The following COX6C variants were observed in gnomAD, a reference collection of about 807,000 sequenced individuals.
COX6C encodes cytochrome c oxidase polypeptide VIc.
COX6C carries 3 observed loss-of-function variants against 6.9 expected under a neutral mutation model. The observed-to-expected ratio is 0.43, with a 90% confidence interval of 0.20 to 1.12. COX6C has a LOEUF of 1.12. Ranked by LOEUF, COX6C falls within the 50% of genes most tolerant of loss-of-function variation. The probability of loss-of-function intolerance (pLI) is 0.27; values close to 1 mark genes in which losing one functional copy is unlikely to be tolerated. For synonymous variants in COX6C, 32 were observed against 32.0 expected, an observed-to-expected ratio of 1.00 and a Z score of 0.00; for missense variants, 101 against 97.3, an observed-to-expected ratio of 1.04 and a Z score of -0.16.
At chr8:99,892,176 A>T (rs1303703629) in intron 1 of COX6C, 124 bp from the exon 2 acceptor site, 3 of 595,434 alleles carry the variant, frequency 5.0e-6, no homozygotes, top group Non-Finnish European at 8.8e-6. Context: ...AGCAGTTACA[A>T]ATGAATGTTT....
chr8:99,883,189 C>CA (rs1361761250), intron 3 of COX6C, among the ~76,000 whole-genome samples: 1 of 152,034 alleles, frequency 6.6e-6, no homozygotes, highest in East Asian at 1.9e-4. Context: ...CTTCAAAAAA[C>CA]AAGAGTCCAA....
At chr8:99,892,075 ATT>A in intron 1 of COX6C, 23 bp from the exon 2 acceptor site, 1 of 1,384,472 alleles carries the variant, frequency 7.2e-7, no homozygotes, top group Non-Finnish European at 1.0e-6. Context: ...AGAAAATATG[ATT>A]AAGTACAGAG....
intron 3 of COX6C, among the ~76,000 whole-genome samples, chr8:99,879,460 G>A (rs1212594312): frequency 1.3e-5 from 2 of 152,152 alleles, no homozygotes; most frequent in African/African-American, 4.8e-5. Flanking sequence ...AACATAAAAA[G>A]TAGTTTCATG....
intron 2 of COX6C, among the ~76,000 whole-genome samples, chr8:99,888,769 C>T (rs1317679286): frequency 3.3e-5 from 5 of 152,228 alleles, no homozygotes; most frequent in Non-Finnish European, 5.9e-5. Flanking sequence ...CCAGATCCCA[C>T]GACCCTGAGG....
At position 99,887,455 on chromosome 8, in the gene COX6C, AT is replaced by A. The variant is rs766072054; in HGVS notation, c.*15+34del. 617 of 1,295,952 alleles carry A rather than the reference AT, an allele frequency of 4.8e-4. 1 individual carries two copies. The highest frequency in any genetic ancestry group is 5.2e-4 in the Middle Eastern group (2 of 3,822). 80.3% of individuals were successfully genotyped at this position (1,295,952 alleles called of 1,614,324 possible). On this transcript the variant is annotated intron_variant, in intron 3 of 3. Transcript: ENST00000520468. ...TATTTGCATTTTACCACAATTAGAAATTTTTTTTTAAGTAACTTCAAATAAC... is the reference window on the plus strand; with the variant it reads ...TATTTGCATTTTACCACAATTAGAAATTTTTTTTAAGTAACTTCAAATAAC...
chr8:99,881,826 AT>A (rs1817869915), intron 3 of COX6C, among the ~76,000 whole-genome samples: 2 of 152,212 alleles, frequency 1.3e-5, no homozygotes, highest in African/African-American at 2.4e-5. Context: ...AAAAACCTGG[AT>A]CCAATTATAT....
chr8:99,887,560 A>G lies in COX6C; in HGVS notation c.173T>C (p.Val58Ala). ...CCTCATCTCCTCAAAATCTTTCATG[A>G]CATCGTAGTTTCTGTAGAAATCTGC... The part of the protein sequence containing the change: ...AYADFYRNYD[V>A]MKDFEEMRKA... The change falls in exon 3 of 4, where the codon GTC (valine) becomes GCC (alanine). Residue 58 changes from valine (V) to alanine (A), a missense_variant. Val to Ala is a moderately conservative substitution (Grantham distance 64). Transcript: ENST00000520468. 6.2e-7 allele frequency: 1 copy of G among 1,611,476 alleles called. No individual in the cohort carries two copies. Among genetic ancestry groups the G allele is most frequent in the South Asian group, 1.1e-5 (1 of 90,374 alleles).
At chr8:99,888,662 T>TA (rs1397306233) in intron 2 of COX6C, among the ~76,000 whole-genome samples, 2 of 151,888 alleles carry the variant, frequency 1.3e-5, no homozygotes, top group African/African-American at 4.9e-5. Flanking sequence ...CTACCTCACT[T>TA]AGTCATCCAT....
At chr8:99,892,944 A>C (rs1818077503) in intron 1 of COX6C, 1 of 152,076 alleles carries the variant, frequency 6.6e-6, no homozygotes. Context: ...TACCATTAAA[A>C]CCTGGACGGG....
chr8:99,892,435 G>A (rs1818069383), intron 1 of COX6C, among the ~76,000 whole-genome samples: 2 of 152,174 alleles, frequency 1.3e-5, no homozygotes, highest in Non-Finnish European at 2.9e-5. Flanking sequence ...GTTGAGACAT[G>A]GGTGAGGGGC....
chr8:99,879,422 A>G (rs1166467761), intron 3 of COX6C, among the ~76,000 whole-genome samples: 1 of 152,234 alleles, frequency 6.6e-6, no homozygotes, highest in Non-Finnish European at 1.5e-5. Flanking sequence ...TCTAGCAATT[A>G]ATAGCATAAC....
At chr8:99,882,407 A>C (rs1348917372) in intron 3 of COX6C, among the ~76,000 whole-genome samples, 1 of 152,260 alleles carries the variant, frequency 6.6e-6, no homozygotes, top group Non-Finnish European at 1.5e-5. Context: ...GAAACTAGAA[A>C]TCAAAAGCCA....
chr8:99,885,838 C>G (rs1817936232), intron 3 of COX6C, among the ~76,000 whole-genome samples: 2 of 152,024 alleles, frequency 1.3e-5, no homozygotes, highest in South Asian at 4.2e-4. Flanking sequence ...AAAAGGCAAC[C>G]TATGAAATGG....
At chr8:99,883,471 A>ATATTT (rs528881148) in intron 3 of COX6C, among the ~76,000 whole-genome samples, 20 of 137,732 alleles carry the variant, frequency 1.5e-4, no homozygotes, top group African/African-American at 5.7e-4. Context: ...ATATATATAT[A>ATATTT]TTTTTTTTTT....
chr8:99,888,729 C>T (rs1817984494), intron 2 of COX6C, among the ~76,000 whole-genome samples: 1 of 152,218 alleles, frequency 6.6e-6, no homozygotes, highest in Admixed American at 6.5e-5. Flanking sequence ...CCTAAAACAG[C>T]CTGAAGGCTG....
At chr8:99,891,860 A>T in intron 2 of COX6C, 48 bp downstream of exon 2, 4 of 1,565,662 alleles carry the variant, frequency 2.6e-6, no homozygotes, top group Non-Finnish European at 3.5e-6. Context: ...TTTTCAACCA[A>T]AAACACATAC....
chr8:99,885,554 TG>T lies in COX6C; in HGVS notation c.*15+1935del, dbSNP rs143883531. Among the ~76,000 whole-genome samples the T allele has an allele frequency of 1.5e-3, 221 of 152,308 alleles. 1 individual carries two copies. The highest frequency in any genetic ancestry group is 4.7e-3 in the African/African-American group (197 of 41,560). On this transcript the variant is annotated intron_variant, in intron 3 of 3. Transcript: ENST00000520468. The stretch of plus-strand genomic sequence containing the variant: ...TCACCAAGGTACCAAGACCACTCCA[TG>T]GAAGAGGACAATCTTAAATGATTTC...
intron 3 of COX6C, among the ~76,000 whole-genome samples, chr8:99,883,472 T>TTTTA (rs1817900273): frequency 3.6e-5 from 4 of 112,170 alleles, no homozygotes; most frequent in Admixed American, 2.5e-4. Context: ...TATATATATA[T>TTTTA]TTTTTTTTTG....
intron 2 of COX6C, among the ~76,000 whole-genome samples, chr8:99,888,923 A>G (rs903266205): frequency 6.6e-6 from 1 of 152,200 alleles, no homozygotes; most frequent in East Asian, 1.9e-4. Context: ...CCTGTGTGGT[A>G]GCCTAGTATT....
Sources: allele counts gnomAD v4.1 joint callset (sites outside exome capture counted in the v4.1 genomes callset), GRCh38; gene constraint gnomAD v4.1.1; transcripts MANE v1.5; gene names NCBI Gene and HGNC (gene_info 2026-07-23, HGNC 2026-07-21).